The following SYT13 variants were observed in gnomAD, a reference collection of about 807,000 sequenced individuals.
SYT13 encodes the protein synaptotagmin 13, also known as synaptotagmin-13.
SYT13 carries 21 observed loss-of-function variants against 38.6 expected under a neutral mutation model. The ratio of observed to expected loss-of-function variants is 0.54; its 90% CI spans 0.39 to 0.78. SYT13 has a LOEUF of 0.78. Ranked by LOEUF, SYT13 falls within the 30% of genes least tolerant of loss-of-function variation. The pLI, the probability that SYT13 is intolerant of heterozygous loss-of-function variation, is 0.00. For synonymous variants in SYT13, 241 were observed against 237.6 expected (o/e 1.01, Z -0.13); for missense variants, 495 against 548.7 (o/e 0.90, Z 0.98).
At chr11:45,254,436 C>A (rs1854718242) in intron 2 of SYT13, 32 bp from the exon 3 acceptor site, 2 of 1,603,458 alleles carry the variant, frequency 1.2e-6, no homozygotes, top group African/African-American at 2.7e-5. Context: ...TCACTGCCAC[C>A]CACACTGGGG....
rs144015985 is a variant in SYT13 at position 45,246,510 on chromosome 11, C to T, written c.849G>A (p.Glu283=). 6.3e-5 allele frequency: 102 copies of T among 1,613,880 alleles called. No individual in the cohort carries two copies. The African/African-American group carries it at 1.1e-3, about 18-fold the overall frequency. ...GGACCTCTCCAGCTCCTGCAGATGG[C>T]TCCTGAAACAGAAAAGGAGATGCAG... is the stretch of plus-strand genomic sequence containing the variant. ...QWGELKTSAK[E]PSAGAGEVLL... is the part of the protein sequence containing the mutation. The change falls in exon 5 of 6, where the codon GAG becomes GAA. Residue 283 remains glutamate, a splice_region_variant and synonymous_variant. Transcript: ENST00000020926.
chr11:45,255,937 G>A (rs1461265024), intron 1 of SYT13, 46 bp from the exon 2 acceptor site: 1 of 1,592,482 alleles, frequency 6.3e-7, no homozygotes, highest in East Asian at 2.2e-5. Context: ...GAGCCCTCTT[G>A]TCTGTTTCCC....
chr11:45,255,618 C>T (rs1854734372), intron 2 of SYT13, 48 bp downstream of exon 2: 2 of 1,560,164 alleles, frequency 1.3e-6, no homozygotes, highest in Non-Finnish European at 1.8e-6. Context: ...ATTGACAAGC[C>T]CCACTGGAGT....
rs755581804 is a variant in SYT13 at position 45,252,691 on chromosome 11, G to A, written c.576C>T (p.Asp192=). The A allele has an allele frequency of 1.3e-6, 2 of 1,589,020 alleles. No homozygotes were observed. The highest frequency in any genetic ancestry group is 1.7e-6 in the Non-Finnish European group (2 of 1,161,392). The change falls in exon 4 of 6, where the codon GAC becomes GAT. Residue 192 remains aspartate (D), a synonymous_variant. Transcript: ENST00000020926. This position sits in a 1 kb window ranked among gnomAD's most constrained non-coding sequence, Gnocchi z 4.3. ...AVTSNHDGGC[D]CYVQGSVANR... ...TGGCCACACTCCCTTGGACGTAGCA[G>A]TCACAGCCTCCGTCGTGGTTGCTGG...
intron 1 of SYT13, among the ~76,000 whole-genome samples, chr11:45,271,023 G>T (rs545298787): frequency 1.3e-5 from 2 of 152,252 alleles, no homozygotes; most frequent in Non-Finnish European, 2.9e-5. Context: ...CACCCTCAGA[G>T]AGTTTACCAT....
At chr11:45,250,605 C>T (rs527488970) in intron 4 of SYT13, among the ~76,000 whole-genome samples, 2 of 152,280 alleles carry the variant, frequency 1.3e-5, no homozygotes, top group African/African-American at 4.8e-5. Flanking sequence ...TGCCTTCTCC[C>T]AGGATCCCCA....
chr11:45,255,561 G>A (rs1476532428), intron 2 of SYT13, 105 bp downstream of exon 2: 15 of 1,110,654 alleles, frequency 1.4e-5, no homozygotes, highest in African/African-American at 3.1e-5. Context: ...GTCAAATGCC[G>A]GGGCACTCGG....
rs146346356 is a variant in SYT13 at position 45,242,776 on chromosome 11, G to A, written c.*1276C>T. ...GGGCAATGTCAACAACAGAACCCAG[G>A]AATCCTGGTTCAGGTGTAAGTACCG... On this transcript the variant is annotated 3_prime_UTR_variant, in exon 6 of 6. Transcript: ENST00000020926. 6.6e-6 allele frequency: 1 copy of A among 152,038 alleles called. No homozygotes were observed. The highest frequency in any genetic ancestry group is 2.4e-5 in the African/African-American group (1 of 41,370). The allele number at this position is 152,038 out of a possible 1,614,324, so 9.4% of individuals were successfully genotyped here.
chr11:45,248,716 G>T (rs1161451808), intron 4 of SYT13, among the ~76,000 whole-genome samples: 1 of 152,200 alleles, frequency 6.6e-6, no homozygotes, highest in Non-Finnish European at 1.5e-5. Flanking sequence ...GCCACAGGTA[G>T]CCCGGGCTAT....
chr11:45,248,795 AG>A (rs1357574110), intron 4 of SYT13, among the ~76,000 whole-genome samples: 1 of 152,228 alleles, frequency 6.6e-6, no homozygotes, highest in East Asian at 1.9e-4. Context: ...AGCACCTGTC[AG>A]CCTCTGCAGG....
intron 1 of SYT13, among the ~76,000 whole-genome samples, chr11:45,268,833 CCATTCACT>C: frequency 6.6e-6 from 1 of 152,182 alleles, no homozygotes; most frequent in Non-Finnish European, 1.5e-5. Flanking sequence ...CCTAGCCTAG[CCATTCACT>C]CATTCACTCC....
intron 5 of SYT13, 46 bp from the exon 6 acceptor site, chr11:45,244,402 A>G (rs1364692002): frequency 5.1e-6 from 8 of 1,576,662 alleles, no homozygotes; most frequent in Non-Finnish European, 6.9e-6. Flanking sequence ...AAGGGACAAG[A>G]GTGAGTTTCT....
intron 1 of SYT13, among the ~76,000 whole-genome samples, chr11:45,280,426 T>TA (rs1855058433): frequency 2.0e-5 from 3 of 152,090 alleles, no homozygotes; most frequent in African/African-American, 7.2e-5. Flanking sequence ...CTCCTGGCAA[T>TA]AAAAAAATAC....
intron 1 of SYT13, among the ~76,000 whole-genome samples, chr11:45,277,697 C>G (rs907607649): frequency 3.3e-5 from 5 of 152,196 alleles, no homozygotes; most frequent in Non-Finnish European, 4.4e-5. Flanking sequence ...CAACATCCTT[C>G]CCTTTTGCCC....
At chr11:45,264,534 C>G (rs1000665) in intron 1 of SYT13, among the ~76,000 whole-genome samples, 62,075 of 151,946 alleles carry the variant, frequency 0.41, 15,098 homozygotes, top group Non-Finnish European at 0.56. Context: ...ACCACAAGAG[C>G]AAGCTTGGAG....
At chr11:45,285,526 A>G (rs1855123946) in intron 1 of SYT13, among the ~76,000 whole-genome samples, 1 of 152,020 alleles carries the variant, frequency 6.6e-6, no homozygotes, top group South Asian at 2.1e-4. Flanking sequence ...CTTTGCAGGC[A>G]TTACCTCTTC....
intron 1 of SYT13, among the ~76,000 whole-genome samples, chr11:45,284,075 A>C (rs1855106567): frequency 6.6e-6 from 1 of 152,216 alleles, no homozygotes; most frequent in Admixed American, 6.5e-5. Flanking sequence ...ATTTGTATGA[A>C]AGGCCAGAGA....
chr11:45,269,532 A>G, intron 1 of SYT13: 1 of 1,212,000 alleles, frequency 8.3e-7, no homozygotes, highest in Non-Finnish European at 1.1e-6. Context: ...CACAAACTTT[A>G]TTGTATTTAA....
At chr11:45,245,939 G>A (rs1450687561) in intron 5 of SYT13, among the ~76,000 whole-genome samples, 2 of 152,192 alleles carry the variant, frequency 1.3e-5, no homozygotes, top group Admixed American at 6.5e-5. Context: ...AGACAGGAGG[G>A]GAATAACCTG....
Sources: allele counts gnomAD v4.1 joint callset (sites outside exome capture counted in the v4.1 genomes callset), GRCh38; gene constraint gnomAD v4.1.1; non-coding constraint Gnocchi (gnomAD v3.1); transcripts MANE v1.5; gene names NCBI Gene and HGNC (gene_info 2026-07-23, HGNC 2026-07-21).